CNGB1: variants seen among roughly 807,000 people sequenced by gnomAD.
CNGB1 encodes cyclic nucleotide gated channel subunit beta 1, also known as cyclic nucleotide-gated channel beta-1.
CNGB1 carries 126 observed loss-of-function variants against 151.7 expected under a neutral mutation model. That is an observed-to-expected ratio of 0.83 (90% CI 0.72 to 0.96). CNGB1 has a LOEUF of 0.96. Among genes scored for constraint, CNGB1 ranks in the 40% least tolerant of loss-of-function variants. The pLI is 0.00. For synonymous variants in CNGB1, 623 were observed against 635.1 expected (o/e 0.98, Z 0.29); for missense variants, 1,698 against 1,627.0 (o/e 1.04, Z -0.75).
rs886052193 is a variant in CNGB1 at position 57,958,445 on chromosome 16, G to A, written c.802C>T (p.Pro268Ser). The A allele has an allele frequency of 3.1e-6, 5 of 1,612,266 alleles. No individual in the cohort carries two copies. The highest frequency in any genetic ancestry group is 1.4e-5 in the African/African-American group (1 of 73,912). Reference protein sequence around the residue: ...WVLHRLEMALPQPVLHGKIGE... With the variant: ...WVLHRLEMALSQPVLHGKIGE... Reference sequence around the variant, plus strand: ...ATTTTCCCATGTAGCACTGGCTGCGGCAAGGCCATCTCCAGCCTGTGCAGG... The same window carrying A: ...ATTTTCCCATGTAGCACTGGCTGCGACAAGGCCATCTCCAGCCTGTGCAGG... The change falls in exon 11 of 33, where the codon CCG becomes TCG. Residue 268 changes from proline (P) to serine (S), a missense_variant. Coordinates refer to ENST00000251102, the MANE Select transcript of CNGB1 (RefSeq NM_001297.5).
chr16:57,953,247 G>A (rs1226057055), intron 12 of CNGB1, among the ~76,000 whole-genome samples: 4 of 152,086 alleles, frequency 2.6e-5, no homozygotes, highest in South Asian at 2.1e-4. Flanking sequence ...CTGTAATCCC[G>A]GCACTTTGGG....
intron 14 of CNGB1, among the ~76,000 whole-genome samples, chr16:57,943,112 C>A (rs760767450): frequency 1.3e-5 from 2 of 151,816 alleles, no homozygotes; most frequent in African/African-American, 4.8e-5. Flanking sequence ...CCCTACAGAA[C>A]GGGAGAAAAT....
chr16:57,932,400 C>CTTTTTTTTTTTTT (rs36048770), intron 16 of CNGB1, among the ~76,000 whole-genome samples: 1 of 124,504 alleles, frequency 8.0e-6, no homozygotes, highest in Non-Finnish European at 1.7e-5. Context: ...CTTAAAGATT[C>CTTTTTTTTTTTTT]TTTTTTTTTT....
chr16:57,912,507 G>C (rs924383616), intron 24 of CNGB1, among the ~76,000 whole-genome samples: 1 of 152,148 alleles, frequency 6.6e-6, no homozygotes, highest in Admixed American at 6.5e-5. Flanking sequence ...CAGTGGAGAC[G>C]GGGCCTGGAG....
At chr16:57,885,578 CTTTCTTTCTT>C (rs139887188) in intron 32 of CNGB1, among the ~76,000 whole-genome samples, 8,207 of 61,604 alleles carry the variant, frequency 0.13, 380 homozygotes, top group Middle Eastern at 0.21. Flanking sequence ...CTCTCTCTCT[CTTTCTTTCTT>C]TCTTTCTTTC....
Position 57,929,415 on chromosome 16 carries a change from G to A in CNGB1, c.1535+2301C>T, listed in dbSNP as rs1310985504. 4.7e-5 allele frequency among the ~76,000 whole-genome samples: 7 copies of A among 148,580 alleles called. No individual in the cohort carries two copies. The East Asian group carries it at 1.4e-3, about 29-fold the overall frequency. On this transcript the variant is annotated intron_variant, in intron 17 of 32. Coordinates refer to ENST00000251102, the MANE Select transcript of CNGB1 (RefSeq NM_001297.5). ...ATGGAGGAAAGCAAAGGGGAAGCAA[G>A]GCACATCTTACACAGCAGTGAGAGA...
chr16:57,898,676 AAAG>A (rs1960300270), intron 29 of CNGB1, among the ~76,000 whole-genome samples: 1 of 152,190 alleles, frequency 6.6e-6, no homozygotes, highest in Admixed American at 6.5e-5. Context: ...TTAGCCTCCC[AAAG>A]TGCTGGGATT....
chr16:57,940,124 G>A, intron 15 of CNGB1, 110 bp downstream of exon 15: 1 of 1,055,466 alleles, frequency 9.5e-7, no homozygotes, highest in South Asian at 1.4e-5. Flanking sequence ...CTGTCCTGCG[G>A]GCATCTTACC....
intron 13 of CNGB1, 60 bp from the exon 14 acceptor site, chr16:57,949,499 T>TC (rs1961897141): frequency 6.2e-7 from 1 of 1,608,944 alleles, no homozygotes; most frequent in African/African-American, 1.3e-5. Flanking sequence ...TGAGTCTACC[T>TC]CCTGCCTCTA....
chr16:57,888,408 CTCT>C (rs1308897864), intron 31 of CNGB1, among the ~76,000 whole-genome samples: 2 of 151,972 alleles, frequency 1.3e-5, no homozygotes, highest in African/African-American at 4.8e-5. Flanking sequence ...TCTCTCCTCT[CTCT>C]TCTGTCTTCT....
At chr16:57,935,787 A>G (rs1216533151) in intron 16 of CNGB1, among the ~76,000 whole-genome samples, 1 of 151,536 alleles carries the variant, frequency 6.6e-6, no homozygotes, top group African/African-American at 2.4e-5. Flanking sequence ...AGCATCCTCA[A>G]TGATAGGGGT....
At chr16:57,957,122 TGGCTCTGGGCCA>T (rs1271715941) in intron 12 of CNGB1, among the ~76,000 whole-genome samples, 1 of 152,224 alleles carries the variant, frequency 6.6e-6, no homozygotes, top group East Asian at 1.9e-4. Flanking sequence ...AACCACCATC[TGGCTCTGGGCCA>T]GGCTCTGGCT....
At chr16:57,904,454 G>C (rs1378218793) in intron 26 of CNGB1, among the ~76,000 whole-genome samples, 1 of 152,136 alleles carries the variant, frequency 6.6e-6, no homozygotes, top group Admixed American at 6.5e-5. Context: ...AGAAACACCA[G>C]GGGCTTCTCC....
At chr16:57,904,681 G>T (rs1960491301) in intron 26 of CNGB1, 53 bp downstream of exon 26, 1 of 1,612,100 alleles carries the variant, frequency 6.2e-7, no homozygotes, top group Non-Finnish European at 8.5e-7. Context: ...GGCAACAGTG[G>T]GAGGGGGCCC....
chr16:57,888,172 T>A, intron 31 of CNGB1, 98 bp from the exon 32 acceptor site: 2 of 1,300,586 alleles, frequency 1.5e-6, no homozygotes, highest in Non-Finnish European at 2.2e-6. Flanking sequence ...TGTGTAGTGG[T>A]GGTGATTTTG....
chr16:57,889,260 C>T (rs982664754), intron 31 of CNGB1, among the ~76,000 whole-genome samples: 5 of 152,292 alleles, frequency 3.3e-5, no homozygotes, highest in African/African-American at 4.8e-5. Context: ...GCCATGGCCT[C>T]GCAAAGTGCT....
chr16:57,926,051 A>T (rs1961178530), intron 17 of CNGB1, among the ~76,000 whole-genome samples: 1 of 152,190 alleles, frequency 6.6e-6, no homozygotes, highest in African/African-American at 2.4e-5. Context: ...ATCCACAGGC[A>T]GGGAGCTTCA....
intron 3 of CNGB1, 94 bp from the exon 4 acceptor site, chr16:57,964,296 ACC>A: frequency 6.9e-7 from 1 of 1,451,614 alleles, no homozygotes; most frequent in Non-Finnish European, 9.6e-7. Flanking sequence ...GAGGAGAGAG[ACC>A]CCCAGGGGTC....
intron 14 of CNGB1, among the ~76,000 whole-genome samples, chr16:57,941,930 C>T (rs1228247449): frequency 2.0e-5 from 3 of 152,192 alleles, no homozygotes; most frequent in Admixed American, 6.5e-5. Context: ...TGGCTCACTA[C>T]AGCCTCAACC....
Sources: allele counts gnomAD v4.1 joint callset (sites outside exome capture counted in the v4.1 genomes callset), GRCh38; gene constraint gnomAD v4.1.1; transcripts MANE v1.5; gene names NCBI Gene and HGNC (gene_info 2026-07-23, HGNC 2026-07-21).